The following CLEC4C variants were observed in gnomAD, a reference collection of about 807,000 sequenced individuals.
CLEC4C encodes the protein C-type (calcium dependent, carbohydrate-recognition domain) lectin, superfamily member 11.
Under a neutral mutation model 27.7 loss-of-function variants are expected in CLEC4C, and 17 were observed. That is an observed-to-expected ratio of 0.61 (90% CI 0.42 to 0.92). The LOEUF (loss-of-function observed/expected upper bound fraction) is 0.92. Ranked by LOEUF, CLEC4C falls within the 40% of genes least tolerant of loss-of-function variation. The probability of loss-of-function intolerance (pLI) is 0.00; values close to 1 mark genes in which losing one functional copy is unlikely to be tolerated. For synonymous variants in CLEC4C, 80 were observed against 80.8 expected, an observed-to-expected ratio of 0.99 and a Z score of 0.06; for missense variants, 244 against 257.3, an observed-to-expected ratio of 0.95 and a Z score of 0.35.
chr12:7,745,426 T>C (rs1864951214), intron 2 of CLEC4C, among the ~76,000 whole-genome samples: 1 of 67,510 alleles, frequency 1.5e-5, no homozygotes, highest in African/African-American at 4.8e-5. Flanking sequence ...AGTCTATGCT[T>C]TTTTTTTTTT....
At chr12:7,740,679 C>T (rs773217502) in intron 3 of CLEC4C, among the ~76,000 whole-genome samples, 19 of 138,906 alleles carry the variant, frequency 1.4e-4, no homozygotes, top group Admixed American at 4.1e-4. Flanking sequence ...CCAGCCTGGG[C>T]GACAGAGTGA....
chr12:7,742,217 T>G (rs11055551), intron 2 of CLEC4C, among the ~76,000 whole-genome samples: 4 of 151,322 alleles, frequency 2.6e-5, no homozygotes, highest in Non-Finnish European at 4.4e-5. Context: ...AAATAAAGAA[T>G]CTTATGACTT....
chr12:7,737,324 G>GTTT, intron 4 of CLEC4C, 105 bp downstream of exon 4: 11 of 744,354 alleles, frequency 1.5e-5, no homozygotes, highest in South Asian at 4.1e-5. Flanking sequence ...TTACCCAGAA[G>GTTT]TTTTTTTTTT....
intron 4 of CLEC4C, among the ~76,000 whole-genome samples, chr12:7,731,674 G>GC (rs1864598708): frequency 1.3e-5 from 2 of 152,132 alleles, no homozygotes; most frequent in African/African-American, 2.4e-5. Context: ...ATGATGTTTG[G>GC]CACGTACAGG....
intron 3 of CLEC4C, among the ~76,000 whole-genome samples, chr12:7,737,953 C>T (rs1894823): frequency 0.22 from 33,225 of 152,040 alleles, 4,409 homozygotes; most frequent in Admixed American, 0.31. Context: ...TTGAGTTTGG[C>T]CCATGCCTTA....
intron 4 of CLEC4C, among the ~76,000 whole-genome samples, chr12:7,735,406 G>T (rs749314615): frequency 6.6e-6 from 1 of 150,508 alleles, no homozygotes; most frequent in Non-Finnish European, 1.5e-5. Context: ...AGGAGGCTGA[G>T]ACAGGAGAAT....
At position 7,747,300 on chromosome 12, in the gene CLEC4C, G is replaced by A; in HGVS notation, c.31+18C>T. 1 of 1,613,440 alleles carries A rather than the reference G, an allele frequency of 6.2e-7. No homozygotes were observed. Among genetic ancestry groups the A allele is most frequent in the Non-Finnish European group, 8.5e-7 (1 of 1,179,418 alleles). On this transcript the variant is annotated intron_variant, in intron 1 of 5. Coordinates refer to ENST00000360345, the MANE Select transcript of CLEC4C (RefSeq NM_001371390.1). ...TGCTCCTACTACCTTCCCTAGAACTGAGAAGATGAGTGCTTACCTCGGTCT... is the reference window on the plus strand; with the variant it reads ...TGCTCCTACTACCTTCCCTAGAACTAAGAAGATGAGTGCTTACCTCGGTCT...
chr12:7,744,363 T>G (rs1044501925), intron 2 of CLEC4C, among the ~76,000 whole-genome samples: 1 of 152,230 alleles, frequency 6.6e-6, no homozygotes, highest in Non-Finnish European at 1.5e-5. Context: ...AGAAAGAAAC[T>G]GAAGACTGTA....
chr12:7,741,426 A>G lies in CLEC4C; in HGVS notation c.230T>C (p.Ile77Thr). 1.9e-6 allele frequency: 3 copies of G among 1,570,944 alleles called. No individual in the cohort carries two copies. The highest frequency in any genetic ancestry group is 1.3e-5 in the African/African-American group (1 of 74,398). Residue 77 changes from isoleucine (I) to threonine (T), a missense_variant, in exon 3 of 6, where the codon ATA (isoleucine) becomes ACA (threonine). Coordinates refer to ENST00000360345, the MANE Select transcript of CLEC4C (RefSeq NM_001371390.1). The stretch of plus-strand genomic sequence containing the variant: ...TGCCCATTGCAGAGTTGTACCTTCT[A>G]TGTCCTTTCCTTCCATGACGCAGGT... ...SLTCVMEGKD[I>T]EDWSCCPTPW...
Position 7,730,858 on chromosome 12 carries a change from C to T in CLEC4C, c.436G>A (p.Asp146Asn), listed in dbSNP as rs1413727559. The change falls in exon 5 of 6, where the codon GAT becomes AAT. Residue 146 changes from aspartate to asparagine, a missense_variant. Physicochemically the swap from Asp to Asn is conservative, Grantham distance 23. Coordinates refer to ENST00000360345, the MANE Select transcript of CLEC4C (RefSeq NM_001371390.1). ...TGCCAATGTCGCCGACCCCCTGGAT[C>T]TGACAGCCCCAGAAAATAAGAAGAA... is the stretch of plus-strand genomic sequence containing the variant. Reference protein sequence around the residue: ...RNSSYFLGLSDPGGRRHWQWV... With the variant: ...RNSSYFLGLSNPGGRRHWQWV... 1 of 1,611,096 alleles carries T rather than the reference C, an allele frequency of 6.2e-7. No homozygotes were observed. Among genetic ancestry groups the T allele is most frequent in the Admixed American group, 1.7e-5 (1 of 59,946 alleles).
chr12:7,747,551 A>G, upstream of CLEC4C: 1 of 468,668 alleles, frequency 2.1e-6, no homozygotes, highest in Non-Finnish European at 3.8e-6. Context: ...TAAAACATAC[A>G]TCATGTTCAG....
In CLEC4C at chr12:7,742,796, G is replaced by A. The variant is rs187266995; in HGVS notation, c.125-1265C>T. Among the ~76,000 whole-genome samples, 229 of 150,336 alleles carry A rather than the reference G, an allele frequency of 1.5e-3. 1 individual carries two copies. Among genetic ancestry groups the A allele is most frequent in the African/African-American group, 5.2e-3 (213 of 40,750 alleles). ...CTGCACTCCAGCCTGGCAACAGAAC[G>A]AGACTCCATCTCAAAAATAAATAAA... On this transcript the variant is annotated intron_variant, in intron 2 of 5. Coordinates refer to ENST00000360345, the MANE Select transcript of CLEC4C (RefSeq NM_001371390.1).
chr12:7,736,507 A>G (rs1183178805), intron 4 of CLEC4C, among the ~76,000 whole-genome samples: 1 of 152,158 alleles, frequency 6.6e-6, no homozygotes, highest in East Asian at 1.9e-4. Flanking sequence ...CAAATTCACT[A>G]TTTTATTTGC....
At chr12:7,732,566 A>T (rs1451852436) in intron 4 of CLEC4C, among the ~76,000 whole-genome samples, 1 of 147,408 alleles carries the variant, frequency 6.8e-6, no homozygotes, top group Non-Finnish European at 1.5e-5. Flanking sequence ...GTTGGCCAGG[A>T]TGGTCTCGAT....
chr12:7,746,510 A>G (rs925898550), intron 1 of CLEC4C, 87 bp from the exon 2 acceptor site: 2 of 791,328 alleles, frequency 2.5e-6, no homozygotes, highest in Non-Finnish European at 4.3e-6. Context: ...TTAGAATAAT[A>G]AAGTCAGGCT....
upstream of CLEC4C, among the ~76,000 whole-genome samples, chr12:7,748,525 CAAA>C (rs55874050): frequency 7.0e-6 from 1 of 142,032 alleles, no homozygotes; most frequent in South Asian, 2.3e-4. Flanking sequence ...GACTCAGTCT[CAAA>C]AAAAAAAAAG....
At chr12:7,741,713 C>T (rs1004861856) in intron 2 of CLEC4C, among the ~76,000 whole-genome samples, 182 bp from the exon 3 acceptor site, 1 of 151,952 alleles carries the variant, frequency 6.6e-6, no homozygotes, top group Admixed American at 6.6e-5. Flanking sequence ...CATGGTGAAA[C>T]CCCGTCTCCA....
At chr12:7,747,922 C>CAAA (rs36046177), upstream of CLEC4C, among the ~76,000 whole-genome samples, 2,238 of 104,788 alleles carry the variant, frequency 0.021, 111 homozygotes, top group African/African-American at 0.028. Flanking sequence ...ACTCCATCTC[C>CAAA]AAAAAAAAAA....
chr12:7,748,066 G>A (rs183816840), upstream of CLEC4C, among the ~76,000 whole-genome samples: 3 of 152,212 alleles, frequency 2.0e-5, no homozygotes, highest in Admixed American at 2.0e-4. Context: ...GGCCACTGCT[G>A]AGTAATCTTA....
Sources: gnomAD v4.1 joint callset for allele counts (sites outside exome capture counted in the v4.1 genomes callset) on GRCh38, gnomAD v4.1.1 for gene constraint, MANE v1.5 for transcripts, NCBI Gene and HGNC (gene_info 2026-07-23, HGNC 2026-07-21) for gene names.